Variants in ATG4B observed in about 807,000 individuals in gnomAD.
The protein encoded by ATG4B is autophagy related 4B cysteine peptidase.
ATG4B carries 29 observed loss-of-function variants against 56.6 expected under a neutral mutation model. The ratio of observed to expected loss-of-function variants is 0.51; its 90% CI spans 0.38 to 0.70. The LOEUF (loss-of-function observed/expected upper bound fraction) is 0.70, where lower values mean the gene tolerates loss of function less well. ATG4B is among the 30% of genes least tolerant of loss of function. ATG4B has a pLI of 0.00. For missense variants in ATG4B, 461 were observed against 515.5 expected (o/e 0.89, Z 1.02); for synonymous variants, 224 against 206.1 (o/e 1.09, Z -0.74).
intron 8 of ATG4B, chr2:241,667,727 G>A (rs886422498): frequency 6.0e-6 from 1 of 167,028 alleles, no homozygotes. Context: ...AAATTATTCA[G>A]TTGTCTGAAC....
At chr2:241,645,336 A>G (rs1021857114) in intron 1 of ATG4B, among the ~76,000 whole-genome samples, 3 of 152,154 alleles carry the variant, frequency 2.0e-5, no homozygotes, top group Admixed American at 2.0e-4. Flanking sequence ...TGCTCTCTAA[A>G]TGCAGTCACT....
intron 1 of ATG4B, among the ~76,000 whole-genome samples, chr2:241,647,849 C>T (rs970812815): frequency 6.6e-6 from 1 of 152,040 alleles, no homozygotes; most frequent in African/African-American, 2.4e-5. Flanking sequence ...TGCTGTGGCT[C>T]ACGCCTGTAA....
rs1462240200 is a variant in ATG4B, at chr2:241,668,292, C to T, written c.811+71C>T. On this transcript the variant is annotated intron_variant, in intron 9 of 12. Coordinates refer to ENST00000404914, the MANE Select transcript of ATG4B (RefSeq NM_013325.5). The surrounding 1 kb of genome is among the most constrained non-coding windows in gnomAD (Gnocchi z 4.2). The stretch of plus-strand genomic sequence containing the variant: ...AAGGGCATTCCATGAGCAGGTACCA[C>T]ACCCCAGGTGACCACTTGAGGCCAC... 2.0e-6 allele frequency: 3 copies of T among 1,515,682 alleles called. No homozygotes were observed. Among genetic ancestry groups the T allele is most frequent in the Admixed American group, 2.0e-5 (1 of 50,772 alleles). The allele number at this position is 1,515,682 out of a possible 1,614,324, so 93.9% of individuals were successfully genotyped here. A position where few individuals can be genotyped will look rare whatever the true frequency, so the allele number is the denominator to read the frequency against.
At chr2:241,652,213 A>G (rs1357478402) in intron 3 of ATG4B, among the ~76,000 whole-genome samples, 1 of 152,264 alleles carries the variant, frequency 6.6e-6, no homozygotes, top group Non-Finnish European at 1.5e-5. Context: ...TATTTTAATG[A>G]CATACCTTGT....
intron 1 of ATG4B, among the ~76,000 whole-genome samples, chr2:241,646,647 G>A (rs1189505042): frequency 6.6e-6 from 1 of 152,282 alleles, no homozygotes; most frequent in East Asian, 1.9e-4. Context: ...TGAGAAGGGG[G>A]AATGACCCCT....
intron 7 of ATG4B, among the ~76,000 whole-genome samples, chr2:241,665,791 C>T (rs543917983): frequency 2.0e-5 from 3 of 152,210 alleles, no homozygotes; most frequent in South Asian, 2.1e-4. Flanking sequence ...CCTGTCCTTT[C>T]CTTTCACGTT....
At chr2:241,641,969 A>T (rs2067902793) in intron 1 of ATG4B, among the ~76,000 whole-genome samples, 1 of 152,070 alleles carries the variant, frequency 6.6e-6, no homozygotes, top group Non-Finnish European at 1.5e-5. Context: ...TTCCTTGAGG[A>T]CAGAGCTGGT....
intron 4 of ATG4B, among the ~76,000 whole-genome samples, 169 bp from the exon 5 acceptor site, chr2:241,654,377 C>T (rs1215510004): frequency 3.5e-5 from 5 of 144,068 alleles, no homozygotes; most frequent in African/African-American, 5.2e-5. Flanking sequence ...GCCGAGATCA[C>T]GCCATTGCAC....
At chr2:241,658,082 C>A (rs2068464817) in intron 6 of ATG4B, among the ~76,000 whole-genome samples, 1 of 152,198 alleles carries the variant, frequency 6.6e-6, no homozygotes, top group East Asian at 1.9e-4. Context: ...CGTTACTGTT[C>A]TCTGCAGTGT....
chr2:241,643,680 GTA>G (rs1553563366), intron 1 of ATG4B, among the ~76,000 whole-genome samples: 137 of 128,936 alleles, frequency 1.1e-3, no homozygotes, highest in Middle Eastern at 8.6e-3. Context: ...GTGTGTGTGT[GTA>G]TGTATATATT....
In ATG4B at chr2:241,668,990, G is replaced by C; in HGVS notation, c.957+305G>C. On this transcript the variant is annotated intron_variant, in intron 10 of 12. Transcript: ENST00000404914. The surrounding 1 kb of genome is among the most constrained non-coding windows in gnomAD (Gnocchi z 4.2). ...CATGGATGAGTGTGAGCCATGGTGA[G>C]TGTGTCCCCCTCACACCTACATTTA... is the stretch of plus-strand genomic sequence containing the variant. 2.5e-6 allele frequency: 1 copy of C among 394,518 alleles called. No homozygotes were observed. The allele number at this position is 394,518 out of a possible 1,614,324, so 24.4% of individuals were successfully genotyped here.
rs1371363571 is a variant in ATG4B at position 241,672,752 on chromosome 2, G to C, written c.*488G>C. On this transcript the variant is annotated 3_prime_UTR_variant, in exon 13 of 13. Coordinates refer to ENST00000404914, the MANE Select transcript of ATG4B (RefSeq NM_013325.5). ...GCCCAAGGACTGGGCTGCTCTCGAG[G>C]GGGGCGCGCCCACCGCTGTGTCCTC... The C allele has an allele frequency of 1.1e-5, 2 of 174,166 alleles. No homozygotes were observed. The highest frequency in any genetic ancestry group is 2.5e-5 in the Non-Finnish European group (2 of 80,240). 10.8% of individuals were successfully genotyped at this position (174,166 alleles called of 1,614,324 possible).
At chr2:241,662,743 G>A (rs915870940) in intron 7 of ATG4B, among the ~76,000 whole-genome samples, 7 of 152,006 alleles carry the variant, frequency 4.6e-5, no homozygotes, top group Non-Finnish European at 1.0e-4. Context: ...AGTAAAGTGG[G>A]CCGGGCATGG....
intron 6 of ATG4B, among the ~76,000 whole-genome samples, chr2:241,658,554 G>T (rs944186323): frequency 6.6e-6 from 1 of 152,224 alleles, no homozygotes; most frequent in Non-Finnish European, 1.5e-5. Flanking sequence ...GATCAGAGTC[G>T]TGTTAGACTT....
chr2:241,664,208 T>C (rs2068687589), intron 7 of ATG4B, among the ~76,000 whole-genome samples: 1 of 152,126 alleles, frequency 6.6e-6, no homozygotes, highest in South Asian at 2.1e-4. Flanking sequence ...AGCAATAACA[T>C]ATATGTTTTA....
chr2:241,655,336 G>A lies in ATG4B; in HGVS notation c.451G>A (p.Val151Ile), dbSNP rs748781726. Residue 151 changes from valine (V) to isoleucine (I), a missense_variant, in exon 6 of 13, where the codon GTC becomes ATC. Physicochemically the swap from Val to Ile is conservative, Grantham distance 29 (BLOSUM62 3). Coordinates refer to ENST00000404914, the MANE Select transcript of ATG4B (RefSeq NM_013325.5). ...QWYGPNTVAQ[V>I]LKKLAVFDTW... ...GTACGGGCCCAACACTGTCGCCCAG[G>A]TCCTGAAGTATGTACTGCGCTTCCA... 2 of 1,609,116 alleles carry A rather than the reference G, an allele frequency of 1.2e-6. No individual in the cohort carries two copies. The highest frequency in any genetic ancestry group is 8.5e-7 in the Non-Finnish European group (1 of 1,177,686).
At chr2:241,662,117 A>G (rs953929900) in intron 7 of ATG4B, among the ~76,000 whole-genome samples, 2 of 152,212 alleles carry the variant, frequency 1.3e-5, no homozygotes, top group Non-Finnish European at 2.9e-5. Flanking sequence ...GAGTAGGAGA[A>G]AATTCCCCTG....
In ATG4B at chr2:241,659,204, T is replaced by C. The variant is rs957623977; in HGVS notation, c.538+17T>C. 1.9e-6 allele frequency: 3 copies of C among 1,609,492 alleles called. No homozygotes were observed. The South Asian group carries it at 3.3e-5, about 18-fold the overall frequency. ...AGGAAATCAGTAAGTGGCTCAGAGT[T>C]TCCATGGACAAGAAAGTTGAAATCA... On this transcript the variant is annotated intron_variant, in intron 7 of 12. Coordinates refer to ENST00000404914, the MANE Select transcript of ATG4B (RefSeq NM_013325.5).
At chr2:241,652,564 G>A (rs909219610) in intron 3 of ATG4B, among the ~76,000 whole-genome samples, 6 of 152,210 alleles carry the variant, frequency 3.9e-5, no homozygotes, top group Non-Finnish European at 7.3e-5. Context: ...GTTTCGCTAT[G>A]TTGCCCAGGC....
Sources: gnomAD v4.1 joint callset for allele counts (sites outside exome capture counted in the v4.1 genomes callset) on GRCh38, gnomAD v4.1.1 for gene constraint, Gnocchi (gnomAD v3.1) non-coding constraint, MANE v1.5 for transcripts, NCBI Gene and HGNC (gene_info 2026-07-23, HGNC 2026-07-21) for gene names.